The following C8orf90 variants were observed in gnomAD, a reference collection of about 807,000 sequenced individuals.
C8orf90 encodes chromosome 8 open reading frame 90, also known as uncharacterized protein C8orf90.
At chr8:141,514,932 C>A in the C8orf90 span, among the ~76,000 whole-genome samples, 1 of 151,960 alleles carries the variant, frequency 6.6e-6, no homozygotes, top group Non-Finnish European at 1.5e-5. Context: ...TGGGGGCATG[C>A]GGGCATCAAA....
the C8orf90 span, chr8:141,518,109 C>T: frequency 1.9e-6 from 1 of 518,816 alleles, no homozygotes; most frequent in Non-Finnish European, 3.4e-6. Context: ...CGGCTCCTTC[C>T]AGACTGGCCA....
At chr8:141,518,128 C>G in the C8orf90 span, 1 of 523,962 alleles carries the variant, frequency 1.9e-6, no homozygotes, top group Non-Finnish European at 3.3e-6. Flanking sequence ...CACCTCTCTT[C>G]GCGCCCGGCC....
the C8orf90 span, chr8:141,518,207 C>T: frequency 1.7e-6 from 1 of 575,578 alleles, no homozygotes; most frequent in Non-Finnish European, 3.1e-6. Context: ...CTGTCCCCTC[C>T]GCCCGCAGGT....
At chr8:141,514,969 C>T in the C8orf90 span, among the ~76,000 whole-genome samples, 2 of 151,986 alleles carry the variant, frequency 1.3e-5, no homozygotes, top group Non-Finnish European at 2.9e-5. Flanking sequence ...CCTTCTCCTC[C>T]CTACGCTCCC....
At chr8:141,518,119 A>G in the C8orf90 span, 1 of 519,772 alleles carries the variant, frequency 1.9e-6, no homozygotes, top group Non-Finnish European at 3.4e-6. Flanking sequence ...CAGACTGGCC[A>G]CCTCTCTTCG....
the C8orf90 span, among the ~76,000 whole-genome samples, chr8:141,516,083 A>G: frequency 3.3e-5 from 5 of 151,888 alleles, no homozygotes; most frequent in South Asian, 2.1e-4. Flanking sequence ...TGAATGCCCC[A>G]TCCCTCCTCC....
chr8:141,516,302 C>A, the C8orf90 span, among the ~76,000 whole-genome samples: 278 of 152,338 alleles, frequency 1.8e-3, 1 homozygote, highest in African/African-American at 6.2e-3. Flanking sequence ...CATTCAGAGC[C>A]GAACCTCAGG....
the C8orf90 span, chr8:141,518,682 C>G: frequency 1.5e-5 from 8 of 540,832 alleles, no homozygotes; most frequent in Admixed American, 1.1e-4. Context: ...GGCCCAGGCC[C>G]CGCCGCTGCC....
the C8orf90 span, among the ~76,000 whole-genome samples, chr8:141,516,786 A>G: frequency 2.0e-5 from 3 of 152,102 alleles, no homozygotes; most frequent in African/African-American, 7.2e-5. Flanking sequence ...TATCCCCAGC[A>G]TGGCGCTGTC....
At chr8:141,515,900 C>G in the C8orf90 span, among the ~76,000 whole-genome samples, 1,284 of 152,322 alleles carry the variant, frequency 8.4e-3, 20 homozygotes, top group African/African-American at 0.03. Flanking sequence ...CCTCACCTAG[C>G]AACCACCTCG....
At chr8:141,518,393 C>T in the C8orf90 span, 4 of 675,346 alleles carry the variant, frequency 5.9e-6, no homozygotes, top group East Asian at 6.0e-5. Context: ...GCCTGGCCGC[C>T]GGGGTCCGAC....
the C8orf90 span, chr8:141,518,364 C>T: frequency 1.5e-6 from 1 of 677,286 alleles, no homozygotes; most frequent in Non-Finnish European, 2.7e-6. Flanking sequence ...CCGAGAACTT[C>T]ACGCTGCCCT....
At chr8:141,516,043 T>C in the C8orf90 span, among the ~76,000 whole-genome samples, 2 of 152,164 alleles carry the variant, frequency 1.3e-5, no homozygotes, top group African/African-American at 4.8e-5. Flanking sequence ...ACTTGTGGCA[T>C]TGGGCGCTGT....
the C8orf90 span, among the ~76,000 whole-genome samples, chr8:141,516,481 G>A: frequency 6.6e-6 from 1 of 152,108 alleles, no homozygotes; most frequent in Non-Finnish European, 1.5e-5. Context: ...GATGTGATGC[G>A]CCGGCAGCAC....
chr8:141,518,691 C>T, the C8orf90 span: 1 of 537,330 alleles, frequency 1.9e-6, no homozygotes, highest in South Asian at 2.4e-5. Flanking sequence ...CCCGCCGCTG[C>T]CCCGAGAGCG....
chr8:141,518,236 C>G, the C8orf90 span: 1 of 617,008 alleles, frequency 1.6e-6, no homozygotes. Flanking sequence ...GCCCCCGGAG[C>G]CCGCCTTCCC....
chr8:141,515,827 C>T, the C8orf90 span, among the ~76,000 whole-genome samples: 1 of 152,358 alleles, frequency 6.6e-6, no homozygotes, highest in East Asian at 1.9e-4. Context: ...TTGCTAATGC[C>T]TGCACTTGGC....
chr8:141,518,208 G>A, the C8orf90 span: 175 of 569,362 alleles, frequency 3.1e-4, no homozygotes, highest in Admixed American at 1.3e-3. Context: ...TGTCCCCTCC[G>A]CCCGCAGGTC....
the C8orf90 span, among the ~76,000 whole-genome samples, chr8:141,515,430 C>T: frequency 8.2e-6 from 1 of 121,798 alleles, no homozygotes; most frequent in Non-Finnish European, 1.8e-5. Flanking sequence ...AGACCCTGGC[C>T]CCTGCCCTGC....
Sources: allele counts gnomAD v4.1 joint callset (sites outside exome capture counted in the v4.1 genomes callset), GRCh38; gene constraint gnomAD v4.1.1; transcripts MANE v1.5; gene names NCBI Gene and HGNC (gene_info 2026-07-23, HGNC 2026-07-21).